Variants in TRIM2 observed in about 807,000 individuals in gnomAD.
The protein encoded by TRIM2 is tripartite motif-containing protein 2.
TRIM2 carries 20 observed loss-of-function variants against 75.2 expected under a neutral mutation model. The ratio of observed to expected loss-of-function variants is 0.27; its 90% CI spans 0.19 to 0.39. TRIM2 has a LOEUF of 0.39. TRIM2 is among the 10% of genes least tolerant of loss of function. TRIM2 has a pLI of 1.00. For missense variants in TRIM2, 660 were observed against 990.8 expected, an observed-to-expected ratio of 0.67 and a Z score of 4.48; for synonymous variants, 373 against 388.3, an observed-to-expected ratio of 0.96 and a Z score of 0.46.
Position 153,192,602 on chromosome 4 carries a change from C to CA in TRIM2, c.-49+39351dup, listed in dbSNP as rs35750080. On this transcript the variant is annotated intron_variant, in intron 1 of 11. Coordinates refer to the TRIM2 transcript ENST00000437508. ...AGCCAGAGTGACAGAGACCCTATCTCAAAAAAAAAAAAAAAAAAAGAAAGT... is the reference window on the plus strand; with the variant it reads ...AGCCAGAGTGACAGAGACCCTATCTCAAAAAAAAAAAAAAAAAAAAGAAAGT... Among the ~76,000 whole-genome samples, 200 of 106,388 alleles carry CA rather than the reference C, an allele frequency of 1.9e-3. 2 individuals are homozygous for CA. Among genetic ancestry groups the CA allele is most frequent in the East Asian group, 0.016 (59 of 3,676 alleles). 69.8% of individuals were successfully genotyped at this position (106,388 alleles called of 152,430 possible).
chr4:153,257,491 C>T lies in TRIM2; in HGVS notation c.31-12844C>T, dbSNP rs1486906158. Reference sequence around the variant, plus strand: ...AATGACCCAGAAACATTCCTGCCGACTTCCAGCCTTCTCTCATTTCCTCCA... The same window carrying T: ...AATGACCCAGAAACATTCCTGCCGATTTCCAGCCTTCTCTCATTTCCTCCA... On this transcript the variant is annotated intron_variant, in intron 1 of 11. Transcript: ENST00000338700. 3.1e-6 allele frequency: 4 copies of T among 1,276,794 alleles called. No individual in the cohort carries two copies. In the African/African-American group the frequency reaches 4.6e-5, roughly 15 times the overall value. The allele number at this position is 1,276,794 out of a possible 1,614,324, so 79.1% of individuals were successfully genotyped here. A position where few individuals can be genotyped will look rare whatever the true frequency, so the allele number is the denominator to read the frequency against.
Position 153,276,079 on chromosome 4 carries a change from C to T in TRIM2, c.402C>T (p.Val134=). The T allele has an allele frequency of 6.2e-7, 1 of 1,614,244 alleles. No homozygotes were observed. The highest frequency in any genetic ancestry group is 8.5e-7 in the Non-Finnish European group (1 of 1,180,052). The change falls in exon 3 of 12, where the codon GTC becomes GTT. Residue 134 remains valine, a synonymous_variant. Coordinates refer to ENST00000338700, the MANE Select transcript of TRIM2 (RefSeq NM_015271.5). ...AGGAGTCTTCCATCCTGGAGACAGT[C>T]ACTGCTGTGGCTGCGGGAAAGCCTC... is the stretch of plus-strand genomic sequence containing the variant. ...NAEESSILET[V]TAVAAGKPLS...
At chr4:153,310,705 A>G (rs1220697286) in intron 6 of TRIM2, among the ~76,000 whole-genome samples, 1 of 152,238 alleles carries the variant, frequency 6.6e-6, no homozygotes, top group Non-Finnish European at 1.5e-5. Context: ...AGGAGATGTT[A>G]CCAGGAATCC....
Position 153,270,425 on chromosome 4 carries a change from C to A in TRIM2, c.121C>A (p.Arg41Ser). The A allele has an allele frequency of 6.2e-7, 1 of 1,613,984 alleles. No individual in the cohort carries two copies. Among genetic ancestry groups the A allele is most frequent in the Non-Finnish European group, 8.5e-7 (1 of 1,179,960 alleles). Residue 41 changes from arginine (R) to serine (S), a missense_variant, in exon 2 of 12, where the codon CGC becomes AGC. This residue lies in a region of TRIM2 where 620 missense variants were observed against 891.0 expected (regional missense o/e 0.70). Transcript: ENST00000338700. ...CACCAACATCCCAAGTCCTGTGGTG[C>A]GCCAGATTGACAAGCAGTTTCTGAT... is the stretch of plus-strand genomic sequence containing the variant. Reference protein sequence around the residue: ...EGTNIPSPVVRQIDKQFLICS... With the variant: ...EGTNIPSPVVSQIDKQFLICS...
Position 153,335,034 on chromosome 4 carries a change from G to A in TRIM2, c.*68G>A. The A allele has an allele frequency of 7.0e-7, 1 of 1,434,454 alleles. No individual in the cohort carries two copies. 88.9% of individuals were successfully genotyped at this position (1,434,454 alleles called of 1,614,324 possible). On this transcript the variant is annotated 3_prime_UTR_variant, in exon 12 of 12. Coordinates refer to ENST00000338700, the MANE Select transcript of TRIM2 (RefSeq NM_015271.5). ...AACTGGAATGGATTTCTCAATGCGG[G>A]ACCAGATTATGACTAGAGTTTTTAT...
upstream of TRIM2, among the ~76,000 whole-genome samples, chr4:153,202,772 C>T (rs1214959744): frequency 6.7e-6 from 1 of 150,066 alleles, no homozygotes; most frequent in Non-Finnish European, 1.5e-5. Context: ...TGGTTATTAT[C>T]AAAGGGCATT....
intron 3 of TRIM2, among the ~76,000 whole-genome samples, chr4:153,287,582 C>T (rs1487376931): frequency 6.6e-6 from 1 of 151,956 alleles, no homozygotes; most frequent in Non-Finnish European, 1.5e-5. Flanking sequence ...ATTTCTTTTA[C>T]TATACATATT....
At chr4:153,299,416 A>G (rs1344019059) in intron 6 of TRIM2, among the ~76,000 whole-genome samples, 3 of 152,066 alleles carry the variant, frequency 2.0e-5, no homozygotes, top group Admixed American at 2.0e-4. Context: ...TTCTTTATCT[A>G]TTCATTTGTT....
intron 2 of TRIM2, among the ~76,000 whole-genome samples, chr4:153,273,863 A>G (rs959358436): frequency 6.6e-6 from 1 of 152,248 alleles, no homozygotes; most frequent in Admixed American, 6.5e-5. Flanking sequence ...CCCAATGATG[A>G]GTAAAAATTA....
intron 3 of TRIM2, among the ~76,000 whole-genome samples, chr4:153,290,219 C>T (rs1761550481): frequency 1.3e-5 from 2 of 152,168 alleles, no homozygotes; most frequent in Admixed American, 1.3e-4. Flanking sequence ...TGCCTTCTGC[C>T]AGCCCTTTGA....
chr4:153,240,930 A>T (rs1746391433), intron 1 of TRIM2, among the ~76,000 whole-genome samples: 1 of 152,160 alleles, frequency 6.6e-6, no homozygotes, highest in African/African-American at 2.4e-5. Context: ...TACAAAAATT[A>T]GCTGGGCGTG....
Position 153,336,933 on chromosome 4 carries a change from C to A in TRIM2, c.*1967C>A, listed in dbSNP as rs1451977021. On this transcript the variant is annotated 3_prime_UTR_variant, in exon 12 of 12. Transcript: ENST00000338700. Reference sequence around the variant, plus strand: ...AGAATGTTAAATGAAGACACTGTTTCCTAACATCAGTGAGATACATCTTTG... The same window carrying A: ...AGAATGTTAAATGAAGACACTGTTTACTAACATCAGTGAGATACATCTTTG... The A allele has an allele frequency of 9.1e-6, 9 of 984,372 alleles. No homozygotes were observed. Among genetic ancestry groups the A allele is most frequent in the African/African-American group, 1.7e-5 (1 of 57,172 alleles). 61.0% of individuals were successfully genotyped at this position (984,372 alleles called of 1,614,324 possible). A position where few individuals can be genotyped will look rare whatever the true frequency, so the allele number is the denominator to read the frequency against.
intron 3 of TRIM2, among the ~76,000 whole-genome samples, chr4:153,283,827 G>A (rs1225619994): frequency 1.3e-5 from 2 of 148,304 alleles, no homozygotes; most frequent in African/African-American, 2.5e-5. Flanking sequence ...TAGTAGAGAC[G>A]GGGTTTCATC....
intron 1 of TRIM2, among the ~76,000 whole-genome samples, chr4:153,196,263 ACCC>A (rs113523472): frequency 3.0e-5 from 4 of 135,510 alleles, no homozygotes; most frequent in African/African-American, 1.3e-4. Flanking sequence ...CATTCCTACC[ACCC>A]CCCCCCACAC....
intron 1 of TRIM2, among the ~76,000 whole-genome samples, chr4:153,229,107 T>C (rs1369179957): frequency 2.6e-5 from 4 of 152,192 alleles, no homozygotes; most frequent in Non-Finnish European, 5.9e-5. Flanking sequence ...GCTACAGACC[T>C]TGGAGAAGAA....
intron 1 of TRIM2, among the ~76,000 whole-genome samples, chr4:153,240,054 G>A (rs967541768): frequency 3.5e-4 from 53 of 151,908 alleles, no homozygotes; most frequent in South Asian, 2.9e-3. Flanking sequence ...GGCTGGTCTC[G>A]TACTCCTGGG....
chr4:153,260,666 A>C, intron 1 of TRIM2, among the ~76,000 whole-genome samples: 1 of 130,010 alleles, frequency 7.7e-6, no homozygotes, highest in Non-Finnish European at 1.6e-5. Context: ...TCCCCCCAAA[A>C]CACACACACC....
chr4:153,219,899 T>C (rs1739495429), intron 1 of TRIM2, among the ~76,000 whole-genome samples: 1 of 151,972 alleles, frequency 6.6e-6, no homozygotes, highest in Non-Finnish European at 1.5e-5. Context: ...ATGAGTAAAA[T>C]AAAATAAAAT....
At chr4:153,207,185 CTG>C (rs1735704984) in intron 1 of TRIM2, among the ~76,000 whole-genome samples, 5 of 152,220 alleles carry the variant, frequency 3.3e-5, no homozygotes, top group Admixed American at 3.3e-4. Context: ...CTGTGTAACT[CTG>C]TGCAAGTTCC....
Sources: gnomAD v4.1 joint callset for allele counts (sites outside exome capture counted in the v4.1 genomes callset) on GRCh38, gnomAD v4.1.1 for gene constraint, gnomAD v4.1.1 regional missense constraint, MANE v1.5 for transcripts, NCBI Gene and HGNC (gene_info 2026-07-23, HGNC 2026-07-21) for gene names.